TMEM178B: variants seen among roughly 807,000 people sequenced by gnomAD.
TMEM178B encodes the protein transmembrane protein 178B.
Under a neutral mutation model 31.0 loss-of-function variants are expected in TMEM178B, and 5 were observed. The ratio of observed to expected loss-of-function variants is 0.16; its 90% CI spans 0.08 to 0.34. TMEM178B has a LOEUF of 0.34. TMEM178B is among the 10% of genes least tolerant of loss of function. TMEM178B has a pLI of 1.00. For synonymous variants in TMEM178B, 164 were observed against 164.0 expected, an observed-to-expected ratio of 1.00 and a Z score of 0.00; for missense variants, 275 against 400.3, an observed-to-expected ratio of 0.69 and a Z score of 2.67.
rs947357827 is a variant in TMEM178B, at chr7:141,293,481, T to A, written c.496+80777T>A. Among the ~76,000 whole-genome samples the A allele has an allele frequency of 3.3e-5, 5 of 152,198 alleles. 1 individual carries two copies. Among genetic ancestry groups the A allele is most frequent in the African/African-American group, 1.2e-4 (5 of 41,438 alleles). On this transcript the variant is annotated intron_variant, in intron 2 of 3. Transcript: ENST00000565468. ...TTTGGAATTGGAAGTACTAAGGAGC[T>A]TATGCATGACAGCTGTATCTGCAGG...
At chr7:141,333,625 A>G (rs1340885225) in intron 2 of TMEM178B, among the ~76,000 whole-genome samples, 3 of 152,210 alleles carry the variant, frequency 2.0e-5, no homozygotes, top group Non-Finnish European at 4.4e-5. Flanking sequence ...GAGCAGCAGC[A>G]CAGACCAGAA....
In TMEM178B at chr7:141,470,790, A is replaced by G; in HGVS notation, c.*4A>G. 4 of 1,455,494 alleles carry G rather than the reference A, an allele frequency of 2.7e-6. No homozygotes were observed. Among genetic ancestry groups the G allele is most frequent in the Non-Finnish European group, 3.6e-6 (4 of 1,102,272 alleles). 90.2% of individuals were successfully genotyped at this position (1,455,494 alleles called of 1,614,324 possible). ...CGAGAATGGGACAGTGTGCTAAAAAACAAACCCATACATACATATATATAT... is the reference window on the plus strand; with the variant it reads ...CGAGAATGGGACAGTGTGCTAAAAAGCAAACCCATACATACATATATATAT... On this transcript the variant is annotated 3_prime_UTR_variant, in exon 4 of 4. Coordinates refer to ENST00000565468, the MANE Select transcript of TMEM178B (RefSeq NM_001195278.2).
intron 2 of TMEM178B, among the ~76,000 whole-genome samples, chr7:141,272,758 C>T (rs1051805081): frequency 1.2e-4 from 19 of 152,148 alleles, no homozygotes; most frequent in Admixed American, 7.9e-4. Flanking sequence ...ACATGACTTG[C>T]GGACAAGATA....
At chr7:141,415,887 A>C (rs1338537194) in intron 2 of TMEM178B, 1 of 152,446 alleles carries the variant, frequency 6.6e-6, no homozygotes, top group Non-Finnish European at 1.5e-5. Context: ...ACTGATGGAG[A>C]TGTGATAGAC....
intron 2 of TMEM178B, among the ~76,000 whole-genome samples, chr7:141,356,515 T>C (rs774910146): frequency 6.6e-5 from 10 of 152,116 alleles, no homozygotes; most frequent in Non-Finnish European, 1.2e-4. Flanking sequence ...CGCTTATGTG[T>C]AGTCTTCTGA....
intron 1 of TMEM178B, among the ~76,000 whole-genome samples, chr7:141,130,080 C>G (rs2129177556): frequency 6.6e-6 from 1 of 152,240 alleles, no homozygotes; most frequent in South Asian, 2.1e-4. Flanking sequence ...GTGCTAGACT[C>G]TCAGTTAATC....
intron 2 of TMEM178B, among the ~76,000 whole-genome samples, chr7:141,388,434 G>A (rs997174271): frequency 1.4e-4 from 21 of 152,072 alleles, no homozygotes; most frequent in African/African-American, 4.6e-4. Flanking sequence ...CTTTCCTCTA[G>A]GTAAAAAATA....
chr7:141,485,319 G>A (rs548230177), downstream of TMEM178B, among the ~76,000 whole-genome samples: 1 of 152,306 alleles, frequency 6.6e-6, no homozygotes, highest in South Asian at 2.1e-4. Context: ...ACGGTTACAC[G>A]TAAGGACTCT....
chr7:141,313,010 G>T (rs1394325072), intron 2 of TMEM178B, among the ~76,000 whole-genome samples: 1 of 152,224 alleles, frequency 6.6e-6, no homozygotes, highest in Non-Finnish European at 1.5e-5. Context: ...GTCTGGGAAT[G>T]CAGCCCAGTA....
chr7:141,376,413 C>A (rs1464764902), intron 2 of TMEM178B, among the ~76,000 whole-genome samples: 1 of 152,102 alleles, frequency 6.6e-6, no homozygotes, highest in Non-Finnish European at 1.5e-5. Context: ...AAACATAACT[C>A]TAATATAGGA....
chr7:141,304,916 C>A lies in TMEM178B; in HGVS notation c.496+92212C>A, dbSNP rs192550751. On this transcript the variant is annotated intron_variant, in intron 2 of 3. Transcript: ENST00000565468. ...ATTCACAATCTCCTTACTACACACC[C>A]ACTATGGGGCAAATGCTTTTCACAC... Among the ~76,000 whole-genome samples, 405 of 152,304 alleles carry A rather than the reference C, an allele frequency of 2.7e-3. 1 individual carries two copies. Among genetic ancestry groups the A allele is most frequent in the Non-Finnish European group, 4.9e-3 (333 of 68,028 alleles).
At chr7:141,254,061 G>A (rs1797881443) in intron 2 of TMEM178B, among the ~76,000 whole-genome samples, 1 of 152,200 alleles carries the variant, frequency 6.6e-6, no homozygotes, top group African/African-American at 2.4e-5. Context: ...TTGAAAAGGT[G>A]TCAAAAGTGG....
At chr7:141,484,884 G>T (rs563040311), downstream of TMEM178B, among the ~76,000 whole-genome samples, 1 of 151,996 alleles carries the variant, frequency 6.6e-6, no homozygotes, top group African/African-American at 2.4e-5. The surrounding 1 kb of genome is among the most constrained non-coding windows in gnomAD (Gnocchi z 4.8). Context: ...CTAGAATAAT[G>T]ATCACATAGG....
At chr7:141,357,749 C>T (rs1031118956) in intron 2 of TMEM178B, among the ~76,000 whole-genome samples, 4 of 152,208 alleles carry the variant, frequency 2.6e-5, no homozygotes, top group African/African-American at 7.2e-5. Context: ...TAAAGAAACA[C>T]ATATATCACT....
At chr7:141,087,815 T>G (rs1198178302) in intron 1 of TMEM178B, among the ~76,000 whole-genome samples, 1 of 152,206 alleles carries the variant, frequency 6.6e-6, no homozygotes, top group East Asian at 1.9e-4. Flanking sequence ...CCTTCCCTAT[T>G]TATACAAACT....
At chr7:141,187,793 GT>G (rs1263764740) in intron 1 of TMEM178B, among the ~76,000 whole-genome samples, 1 of 151,950 alleles carries the variant, frequency 6.6e-6, no homozygotes, top group Non-Finnish European at 1.5e-5. Flanking sequence ...GGGGTTGTTT[GT>G]TTTTTTCTTG....
At chr7:141,455,380 C>T (rs1199576165) in intron 3 of TMEM178B, among the ~76,000 whole-genome samples, 1 of 152,202 alleles carries the variant, frequency 6.6e-6, no homozygotes, top group Non-Finnish European at 1.5e-5. Context: ...CCAATCTCAC[C>T]AGCTAGTTGA....
intron 2 of TMEM178B, among the ~76,000 whole-genome samples, chr7:141,309,756 C>T (rs968571742): frequency 1.4e-4 from 22 of 152,134 alleles, no homozygotes; most frequent in Admixed American, 1.3e-3. Context: ...TGCTAACTGA[C>T]TATATTTGCA....
At chr7:141,250,669 C>T (rs1008707542) in intron 2 of TMEM178B, among the ~76,000 whole-genome samples, 1 of 152,158 alleles carries the variant, frequency 6.6e-6, no homozygotes, top group African/African-American at 2.4e-5. Context: ...ATCAGCCTCT[C>T]CATAGCAAGA....
Sources: gnomAD v4.1 joint callset for allele counts (sites outside exome capture counted in the v4.1 genomes callset) on GRCh38, gnomAD v4.1.1 for gene constraint, Gnocchi (gnomAD v3.1) non-coding constraint, MANE v1.5 for transcripts, NCBI Gene and HGNC (gene_info 2026-07-23, HGNC 2026-07-21) for gene names.